Variants in TNFSF4 observed in about 807,000 individuals in gnomAD.
The protein encoded by TNFSF4 is tumor necrosis factor ligand superfamily member 4.
A neutral mutation model predicts 7.3 loss-of-function variants in TNFSF4; 4 were observed. That is an observed-to-expected ratio of 0.55 (90% CI 0.27 to 1.25). The LOEUF (loss-of-function observed/expected upper bound fraction) is 1.25, where lower values mean the gene tolerates loss of function less well. Among genes scored for constraint, TNFSF4 ranks in the 50% most tolerant of loss-of-function variants. The probability of loss-of-function intolerance (pLI) is 0.12; values close to 1 mark genes in which losing one functional copy is unlikely to be tolerated. For missense variants in TNFSF4, 181 were observed against 208.8 expected, an observed-to-expected ratio of 0.87 and a Z score of 0.82; for synonymous variants, 76 against 83.7, an observed-to-expected ratio of 0.91 and a Z score of 0.50.
the TNFSF4 span, among the ~76,000 whole-genome samples, chr1:173,223,633 T>G: frequency 6.6e-6 from 1 of 152,188 alleles, no homozygotes. Flanking sequence ...CTACGAAGGT[T>G]AGGATAACTT....
At chr1:173,438,010 C>T in the TNFSF4 span, among the ~76,000 whole-genome samples, 1 of 152,140 alleles carries the variant, frequency 6.6e-6, no homozygotes, top group Admixed American at 6.5e-5. Context: ...TTGCACTAAA[C>T]TTAAATATTA....
chr1:173,308,267 T>TCTCTCTCTCTCTCTC, the TNFSF4 span, among the ~76,000 whole-genome samples: 1 of 132,896 alleles, frequency 7.5e-6, no homozygotes, highest in African/African-American at 3.2e-5. Flanking sequence ...CTCTCTCTCT[T>TCTCTCTCTCTCTCTC]TCTCTCTCTC....
At chr1:173,274,206 T>G in the TNFSF4 span, among the ~76,000 whole-genome samples, 2 of 151,954 alleles carry the variant, frequency 1.3e-5, no homozygotes, top group South Asian at 4.1e-4. Flanking sequence ...AGAATCATAT[T>G]GTTAAACACA....
the TNFSF4 span, among the ~76,000 whole-genome samples, chr1:173,428,050 C>T: frequency 5.3e-5 from 8 of 151,360 alleles, no homozygotes; most frequent in Admixed American, 5.3e-4. Flanking sequence ...CAGGTTCAAG[C>T]GATTCCTGCC....
At chr1:173,180,919 G>T (rs1303441835), downstream of TNFSF4, among the ~76,000 whole-genome samples, 1 of 152,118 alleles carries the variant, frequency 6.6e-6, no homozygotes, top group African/African-American at 2.4e-5. Flanking sequence ...GGAAACAGAT[G>T]ATTACTAAGT....
chr1:173,210,642 T>C (rs542338398), upstream of TNFSF4, among the ~76,000 whole-genome samples: 8 of 152,224 alleles, frequency 5.3e-5, no homozygotes, highest in East Asian at 1.5e-3. Flanking sequence ...TGATATGATA[T>C]GATATGATTA....
At chr1:173,223,454 C>A in the TNFSF4 span, among the ~76,000 whole-genome samples, 4 of 151,900 alleles carry the variant, frequency 2.6e-5, no homozygotes, top group African/African-American at 2.4e-5. Context: ...ACCCGCCCCC[C>A]CAAAAAAAAT....
the TNFSF4 span, among the ~76,000 whole-genome samples, chr1:173,358,045 TG>T: frequency 1 from 151,604 of 152,270 alleles, 75,474 homozygotes; most frequent in South Asian, 1. Context: ...GATTTTGAGA[TG>T]GGGGGGGGTA....
At chr1:173,232,258 G>A in the TNFSF4 span, among the ~76,000 whole-genome samples, 244 of 152,152 alleles carry the variant, frequency 1.6e-3, 2 homozygotes, top group East Asian at 0.013. Context: ...CTCATGATTT[G>A]GCTCTCTGAT....
At chr1:173,391,493 T>C in the TNFSF4 span, among the ~76,000 whole-genome samples, 1 of 147,430 alleles carries the variant, frequency 6.8e-6, no homozygotes, top group Non-Finnish European at 1.5e-5. Context: ...CTCAGCCCTA[T>C]ATTCTCAAGA....
the TNFSF4 span, chr1:173,175,359 A>G: frequency 6.6e-6 from 1 of 152,246 alleles, no homozygotes; most frequent in Non-Finnish European, 1.5e-5. Flanking sequence ...CACCTAACAC[A>G]GTGGCAGGTA....
chr1:173,323,361 A>T, the TNFSF4 span, among the ~76,000 whole-genome samples: 4 of 152,226 alleles, frequency 2.6e-5, no homozygotes, highest in Admixed American at 6.5e-5. Flanking sequence ...AACAGAAAGG[A>T]CATCCACACC....
the TNFSF4 span, among the ~76,000 whole-genome samples, chr1:173,399,676 G>T: frequency 6.6e-6 from 1 of 151,960 alleles, no homozygotes. Flanking sequence ...TCACAGCAGA[G>T]GGGTATTTTA....
the TNFSF4 span, among the ~76,000 whole-genome samples, chr1:173,275,283 C>T: frequency 6.6e-6 from 1 of 152,068 alleles, no homozygotes; most frequent in Non-Finnish European, 1.5e-5. Flanking sequence ...AGGAAACTTC[C>T]CATCTTTTAA....
At chr1:173,178,085 C>G in the TNFSF4 span, among the ~76,000 whole-genome samples, 1 of 152,126 alleles carries the variant, frequency 6.6e-6, no homozygotes, top group Admixed American at 6.5e-5. Flanking sequence ...GACTTATACC[C>G]ACATTACCAG....
the TNFSF4 span, among the ~76,000 whole-genome samples, chr1:173,225,018 G>C: frequency 6.6e-6 from 1 of 152,102 alleles, no homozygotes; most frequent in African/African-American, 2.4e-5. Flanking sequence ...TTTTTTATTA[G>C]TGTAGTTCTG....
downstream of TNFSF4, among the ~76,000 whole-genome samples, chr1:173,180,000 G>A (rs1649019807): frequency 6.6e-6 from 1 of 152,118 alleles, no homozygotes; most frequent in African/African-American, 2.4e-5. Context: ...CATCTCCCCA[G>A]AGAGACCTTG....
chr1:173,379,278 G>C, the TNFSF4 span, among the ~76,000 whole-genome samples: 1 of 151,986 alleles, frequency 6.6e-6, no homozygotes, highest in African/African-American at 2.4e-5. Context: ...CAAATCATGG[G>C]GACTGGAGTC....
chr1:173,268,817 C>G, the TNFSF4 span, among the ~76,000 whole-genome samples: 1 of 152,034 alleles, frequency 6.6e-6, no homozygotes, highest in South Asian at 2.1e-4. Flanking sequence ...TCAATAAAAG[C>G]AGAAATGACT....
Sources: allele counts gnomAD v4.1 joint callset (sites outside exome capture counted in the v4.1 genomes callset), GRCh38; gene constraint gnomAD v4.1.1; transcripts MANE v1.5; gene names NCBI Gene and HGNC (gene_info 2026-07-23, HGNC 2026-07-21).